CADPS: variants seen among roughly 807,000 people sequenced by gnomAD.
CADPS encodes the protein calcium-dependent secretion activator 1.
In CADPS, 57 loss-of-function variants were observed where a neutral mutation model predicts 167.3. That is an observed-to-expected ratio of 0.34 (90% confidence interval 0.28 to 0.42). CADPS has a LOEUF of 0.42. Among genes scored for constraint, CADPS ranks in the 20% least tolerant of loss-of-function variants. CADPS has a pLI of 1.00. For synonymous variants in CADPS, 676 were observed against 635.3 expected (o/e 1.06, Z -0.96); for missense variants, 1,414 against 1,738.1 (o/e 0.81, Z 3.32).
chr3:62,417,536 C>T (rs1286876081), intron 28 of CADPS, among the ~76,000 whole-genome samples: 5 of 151,910 alleles, frequency 3.3e-5, no homozygotes, highest in African/African-American at 4.8e-5. Flanking sequence ...CCACCTGCCT[C>T]GGCCTCCCAA....
intron 6 of CADPS, among the ~76,000 whole-genome samples, chr3:62,595,831 G>A (rs1010057642): frequency 4.6e-5 from 7 of 152,076 alleles, no homozygotes; most frequent in Non-Finnish European, 7.4e-5. Context: ...TTAATCTGGT[G>A]GACACAATCT....
At chr3:62,560,971 C>A (rs1355750399) in intron 9 of CADPS, among the ~76,000 whole-genome samples, 1 of 150,928 alleles carries the variant, frequency 6.6e-6, no homozygotes, top group African/African-American at 2.4e-5. Context: ...CTCAGCTACT[C>A]CGGAGGCTGA....
chr3:62,721,139 A>ATTTTTTTTTTTTTTTTTTT (rs1268261563), intron 3 of CADPS, among the ~76,000 whole-genome samples: 4 of 113,088 alleles, frequency 3.5e-5, no homozygotes, highest in African/African-American at 4.0e-5. Context: ...TTTTTTAAAA[A>ATTTTTTTTTTTTTTTTTTT]AAAAAAGAAG....
chr3:62,711,581 T>TA (rs1412974382), intron 3 of CADPS, among the ~76,000 whole-genome samples: 1 of 152,244 alleles, frequency 6.6e-6, no homozygotes, highest in Non-Finnish European at 1.5e-5. Context: ...GTGAGAGTGA[T>TA]TAGCTTGGCC....
chr3:62,833,931 A>G (rs1383846202), intron 1 of CADPS, among the ~76,000 whole-genome samples: 1 of 152,218 alleles, frequency 6.6e-6, no homozygotes, highest in African/African-American at 2.4e-5. Flanking sequence ...ATAGGTACAC[A>G]TACATGTGCA....
In CADPS at chr3:62,712,947, C is replaced by T. The variant is rs559981755; in HGVS notation, c.888+40494G>A. ...CATATAGTTAATGGATGCAAATGAG[C>T]CAGCCTCAAACCTGGCCAATTCTGA... On this transcript the variant is annotated intron_variant, in intron 3 of 29. Transcript: ENST00000383710. Among the ~76,000 whole-genome samples the T allele has an allele frequency of 3.3e-5, 5 of 152,272 alleles. No homozygotes were observed. The South Asian group carries it at 1.0e-3, about 32-fold the overall frequency.
At chr3:62,549,790 CA>C in intron 11 of CADPS, 112 bp downstream of exon 11, 1 of 829,650 alleles carries the variant, frequency 1.2e-6, no homozygotes. Context: ...ATGTTTTCAG[CA>C]AACATGATTT....
rs1237999843 is a variant in CADPS at position 62,875,142 on chromosome 3, C to G, written c.-113G>C. ...CCCGGGTGGGCGCTTCTCCCCAGGTCAGGGAGCGAGAGCGCTGCTGCTCAG... is the reference window on the plus strand; with the variant it reads ...CCCGGGTGGGCGCTTCTCCCCAGGTGAGGGAGCGAGAGCGCTGCTGCTCAG... On this transcript the variant is annotated 5_prime_UTR_variant, in exon 1 of 30. Transcript: ENST00000383710. The G allele has an allele frequency of 7.8e-7, 1 of 1,279,138 alleles. No individual in the cohort carries two copies. Among genetic ancestry groups the G allele is most frequent in the Non-Finnish European group, 1.0e-6 (1 of 999,314 alleles). 79.2% of individuals were successfully genotyped at this position (1,279,138 alleles called of 1,614,324 possible). A position where few individuals can be genotyped will look rare whatever the true frequency, so the allele number is the denominator to read the frequency against.
chr3:62,562,013 T>C (rs2079250176), intron 9 of CADPS, among the ~76,000 whole-genome samples: 1 of 152,218 alleles, frequency 6.6e-6, no homozygotes, highest in Admixed American at 6.5e-5. Context: ...CCTGCCCTCA[T>C]GTCTAGCATG....
chr3:62,804,948 A>G (rs487321), intron 1 of CADPS, among the ~76,000 whole-genome samples: 139,110 of 152,112 alleles, frequency 0.91, 63,677 homozygotes, highest in East Asian at 0.98. Flanking sequence ...TTAAGAACCA[A>G]TATCAAGAAA....
chr3:62,661,666 C>A (rs6794734), intron 4 of CADPS, among the ~76,000 whole-genome samples: 107,441 of 151,956 alleles, frequency 0.71, 38,414 homozygotes, highest in East Asian at 1. Flanking sequence ...GAGTTTTATC[C>A]GGGCAACTGT....
chr3:62,772,031 T>A (rs532659192), intron 1 of CADPS, among the ~76,000 whole-genome samples: 94 of 152,190 alleles, frequency 6.2e-4, no homozygotes, highest in African/African-American at 2.1e-3. Context: ...GAAAGCAATA[T>A]CTACTTTACA....
chr3:62,410,105 G>A (rs2048675996), intron 28 of CADPS, among the ~76,000 whole-genome samples: 1 of 151,926 alleles, frequency 6.6e-6, no homozygotes, highest in South Asian at 2.1e-4. Flanking sequence ...TGTAAGTGAG[G>A]GAAATATTTC....
At chr3:62,677,666 TG>T (rs2076537609) in intron 3 of CADPS, among the ~76,000 whole-genome samples, 1 of 152,100 alleles carries the variant, frequency 6.6e-6, no homozygotes, top group Non-Finnish European at 1.5e-5. Flanking sequence ...GAAAGTAAGA[TG>T]TTTGCCCTGA....
intron 10 of CADPS, among the ~76,000 whole-genome samples, chr3:62,556,505 A>G (rs1178879459): frequency 2.0e-5 from 3 of 152,088 alleles, no homozygotes; most frequent in African/African-American, 7.2e-5. Context: ...GTAGAAAAAA[A>G]GGTTTTGGGC....
chr3:62,785,414 G>A (rs1320091831), intron 1 of CADPS, among the ~76,000 whole-genome samples: 1 of 152,148 alleles, frequency 6.6e-6, no homozygotes, highest in African/African-American at 2.4e-5. Flanking sequence ...GCTGCTTTTT[G>A]AATGTCATAC....
At chr3:62,772,634 A>G (rs147474581) in intron 1 of CADPS, among the ~76,000 whole-genome samples, 289 of 152,278 alleles carry the variant, frequency 1.9e-3, no homozygotes, top group African/African-American at 6.4e-3. Context: ...ATATATTTCT[A>G]CTTGTTCAAG....
intron 24 of CADPS, 84 bp downstream of exon 24, chr3:62,474,089 T>A: frequency 1.1e-6 from 1 of 918,016 alleles, no homozygotes; most frequent in Admixed American, 2.7e-5. Flanking sequence ...CAGACTAGGG[T>A]AGATGGAAGG....
intron 3 of CADPS, among the ~76,000 whole-genome samples, chr3:62,704,526 A>G (rs2081992212): frequency 6.6e-6 from 1 of 152,106 alleles, no homozygotes; most frequent in South Asian, 2.1e-4. Context: ...TTGTGCCCCC[A>G]ACTAGAATCC....
Sources: allele counts gnomAD v4.1 joint callset (sites outside exome capture counted in the v4.1 genomes callset), GRCh38; gene constraint gnomAD v4.1.1; transcripts MANE v1.5; gene names NCBI Gene and HGNC (gene_info 2026-07-23, HGNC 2026-07-21).